Variants in AADACL3 observed in about 807,000 individuals in gnomAD.
AADACL3 encodes the protein arylacetamide deacetylase like 3.
In AADACL3, 13 loss-of-function variants were observed where a neutral mutation model predicts 13.6. That is an observed-to-expected ratio of 0.95 (90% confidence interval 0.62 to 1.52). AADACL3 has a LOEUF of 1.52. Among genes scored for constraint, AADACL3 ranks in the 40% most tolerant of loss-of-function variants. The pLI is 0.00. For missense variants in AADACL3, 519 were observed against 499.2 expected (o/e 1.04, Z -0.38); for synonymous variants, 195 against 197.0 (o/e 0.99, Z 0.08).
In AADACL3 at chr1:12,720,893, T is replaced by G; in HGVS notation, c.396T>G (p.His132Gln). 6.2e-7 allele frequency: 1 copy of G among 1,608,372 alleles called. No homozygotes were observed. Among genetic ancestry groups the G allele is most frequent in the Non-Finnish European group, 8.5e-7 (1 of 1,176,234 alleles). Residue 132 changes from histidine (H) to glutamine (Q), a missense_variant, in exon 3 of 4, where the codon CAT becomes CAG. By Grantham distance (24) the His-to-Gln change is conservative. Transcript: ENST00000359318. ...GGVMGSLKTH[H>Q]GICSRLCKES... ...CCATTTATTTTCTAGAAACCCACCA[T>G]GGCATATGCTCTCGTTTGTGCAAGG... is the stretch of plus-strand genomic sequence containing the variant.
chr1:12,719,561 C>G lies in AADACL3; in HGVS notation c.255C>G (p.Pro85=). The part of the protein sequence containing the change: ...MQDLPPLKYD[P]DVVVTDFRFG... ...ATCTGCCTCCGCTAAAGTATGACCCCGATGTTGTGGTCACGGATTTCCGCT... is the reference window on the plus strand; with the variant it reads ...ATCTGCCTCCGCTAAAGTATGACCCGGATGTTGTGGTCACGGATTTCCGCT... Residue 85 remains proline, a synonymous_variant, in exon 2 of 4, where the codon CCC becomes CCG. Coordinates refer to ENST00000359318, the MANE Select transcript of AADACL3 (RefSeq NM_001103170.3). The G allele has an allele frequency of 6.2e-7, 1 of 1,614,042 alleles. No individual in the cohort carries two copies. The highest frequency in any genetic ancestry group is 1.1e-5 in the South Asian group (1 of 91,078).
chr1:12,716,473 C>G (rs558679251), intron 1 of AADACL3, 129 bp downstream of exon 1: 1 of 1,325,784 alleles, frequency 7.5e-7, no homozygotes, highest in Non-Finnish European at 1.1e-6. Context: ...GCTGATCAGA[C>G]CTTCTGAAAT....
In AADACL3 at chr1:12,725,362, C is replaced by A; in HGVS notation, c.590C>A (p.Ala197Glu). 1.2e-6 allele frequency: 2 copies of A among 1,614,076 alleles called. No homozygotes were observed. The highest frequency in any genetic ancestry group is 1.7e-6 in the Non-Finnish European group (2 of 1,180,012). The change falls in exon 4 of 4, where the codon GCA (alanine) becomes GAA (glutamate). Residue 197 changes from alanine to glutamate, a missense_variant. Ala to Glu is a moderately radical substitution (Grantham distance 107). Coordinates refer to ENST00000359318, the MANE Select transcript of AADACL3 (RefSeq NM_001103170.3). The part of the protein sequence containing the change: ...VVVCGDSFGG[A>E]IAAVVCQQLV... ...GTCTGCGGTGACAGTTTCGGAGGGGCAATAGCCGCAGTGGTTTGTCAACAA... is the reference window on the plus strand; with the variant it reads ...GTCTGCGGTGACAGTTTCGGAGGGGAAATAGCCGCAGTGGTTTGTCAACAA...
intron 1 of AADACL3, among the ~76,000 whole-genome samples, chr1:12,717,932 T>C (rs1006149006): frequency 6.6e-6 from 1 of 152,168 alleles, no homozygotes; most frequent in African/African-American, 2.4e-5. Flanking sequence ...TAACTTCCAA[T>C]TGAAATTCTT....
chr1:12,722,178 T>C (rs1390260523), intron 3 of AADACL3, among the ~76,000 whole-genome samples: 1 of 151,850 alleles, frequency 6.6e-6, no homozygotes, highest in East Asian at 1.9e-4. Context: ...AATACAAAAA[T>C]TAGCCAGGTG....
At chr1:12,720,634 C>G (rs1418405086) in intron 2 of AADACL3, among the ~76,000 whole-genome samples, 1 of 152,144 alleles carries the variant, frequency 6.6e-6, no homozygotes, top group African/African-American at 2.4e-5. Context: ...CCTCTGCGTT[C>G]TACAGTCAAA....
At chr1:12,722,251 C>G (rs1320065817) in intron 3 of AADACL3, among the ~76,000 whole-genome samples, 1 of 149,432 alleles carries the variant, frequency 6.7e-6, no homozygotes, top group African/African-American at 2.5e-5. Flanking sequence ...CACTTGAACC[C>G]AGAAGGCAGA....
chr1:12,725,862 G>A lies in AADACL3; in HGVS notation c.1090G>A (p.Gly364Arg). 6.2e-7 allele frequency: 1 copy of A among 1,614,180 alleles called. No homozygotes were observed. Among genetic ancestry groups the A allele is most frequent in the South Asian group, 1.1e-5 (1 of 91,076 alleles). The change falls in exon 4 of 4, where the codon GGA becomes AGA. Residue 364 changes from glycine (G) to arginine (R), a missense_variant. Transcript: ENST00000359318. ...GTACAAGAAAAGGCTGGAAGACCTG[G>A]GAGTGCCCGTGACCTGGCACCATAT... ...LLYKKRLEDL[G>R]VPVTWHHMED...
In AADACL3 at chr1:12,723,384, C is replaced by T. The variant is rs75206436; in HGVS notation, c.450-1838C>T. 9.2e-3 allele frequency among the ~76,000 whole-genome samples: 1,407 copies of T among 152,276 alleles called. 25 individuals carry two copies. The highest frequency in any genetic ancestry group is 0.032 in the African/African-American group (1,323 of 41,546). The stretch of plus-strand genomic sequence containing the variant: ...GTCAGGAGTACCTCTGACTGTCTCC[C>T]AGTTCAAAACCACTCACAAATGTGG... On this transcript the variant is annotated intron_variant, in intron 3 of 3. Transcript: ENST00000359318.
In AADACL3 at chr1:12,716,253, G is replaced by A. The variant is rs1648429781; in HGVS notation, c.77G>A (p.Ser26Asn). The A allele has an allele frequency of 3.2e-6, 5 of 1,562,254 alleles. No homozygotes were observed. Among genetic ancestry groups the A allele is most frequent in the Non-Finnish European group, 4.4e-6 (5 of 1,133,078 alleles). The change falls in exon 1 of 4, where the codon AGC becomes AAC. Residue 26 changes from serine (S) to asparagine (N), a missense_variant. By Grantham distance (46) the Ser-to-Asn change is conservative. Transcript: ENST00000359318. ...GGGGTCACTCTGTGGGTCATTTGCA[G>A]CCATTTTTTCACTGTGCACATCCCT... ...SLGVTLWVIC[S>N]HFFTVHIPAA...
chr1:12,726,971 G>A lies in AADACL3; in HGVS notation c.*975G>A, dbSNP rs890548239. On this transcript the variant is annotated 3_prime_UTR_variant, in exon 4 of 4. Coordinates refer to ENST00000359318, the MANE Select transcript of AADACL3 (RefSeq NM_001103170.3). ...CATACATCAGGCAAGGTTTGATCCA[G>A]GAACTCACACAGTGCCATCAGCTGT... 1 of 152,352 alleles carries A rather than the reference G, an allele frequency of 6.6e-6. No homozygotes were observed. The highest frequency in any genetic ancestry group is 6.5e-5 in the Admixed American group (1 of 15,280). The allele number at this position is 152,352 out of a possible 1,614,324, so 9.4% of individuals were successfully genotyped here.
intron 1 of AADACL3, among the ~76,000 whole-genome samples, chr1:12,716,937 G>A (rs1201370413): frequency 2.0e-5 from 3 of 152,200 alleles, no homozygotes; most frequent in Non-Finnish European, 2.9e-5. Context: ...TTAAAAATAT[G>A]TTGTTGCTTT....
chr1:12,725,158 G>A (rs1638338478), intron 3 of AADACL3, 64 bp from the exon 4 acceptor site: 2 of 1,497,784 alleles, frequency 1.3e-6, no homozygotes, highest in Non-Finnish European at 1.8e-6. Flanking sequence ...GCTAAAAGAT[G>A]CTAGACGCTG....
Position 12,716,147 on chromosome 1 carries a change from C to A in AADACL3, c.-30C>A. The A allele has an allele frequency of 1.4e-6, 1 of 694,430 alleles. No homozygotes were observed. The highest frequency in any genetic ancestry group is 2.6e-6 in the Non-Finnish European group (1 of 386,060). 43.0% of individuals were successfully genotyped at this position (694,430 alleles called of 1,614,324 possible). ...AAATGGTTTACACTGCGCACAGCTTCCTCTCAGCCCGCTCTGAGCTGGAAG... is the reference window on the plus strand; with the variant it reads ...AAATGGTTTACACTGCGCACAGCTTACTCTCAGCCCGCTCTGAGCTGGAAG... On this transcript the variant is annotated 5_prime_UTR_variant, in exon 1 of 4. Coordinates refer to ENST00000359318, the MANE Select transcript of AADACL3 (RefSeq NM_001103170.3).
In AADACL3 at chr1:12,725,998, C is replaced by A. The variant is rs1402706358; in HGVS notation, c.*2C>A. On this transcript the variant is annotated 3_prime_UTR_variant, in exon 4 of 4. Coordinates refer to ENST00000359318, the MANE Select transcript of AADACL3 (RefSeq NM_001103170.3). ...GTTCAATTTGTAAAGGGACTGTGAC[C>A]ATCTTTCTTCTCTGCTGGTACTGCG... 1 of 1,604,094 alleles carries A rather than the reference C, an allele frequency of 6.2e-7. No individual in the cohort carries two copies. The highest frequency in any genetic ancestry group is 8.5e-7 in the Non-Finnish European group (1 of 1,174,678).
intron 3 of AADACL3, among the ~76,000 whole-genome samples, chr1:12,722,727 C>A (rs1158859904): frequency 6.7e-6 from 1 of 150,314 alleles, no homozygotes; most frequent in Non-Finnish European, 1.5e-5. Context: ...AAATAGTGAA[C>A]TTTCTCACAA....
chr1:12,725,613 T>A lies in AADACL3; in HGVS notation c.841T>A (p.Tyr281Asn). 6.2e-7 allele frequency: 1 copy of A among 1,614,040 alleles called. No homozygotes were observed. The highest frequency in any genetic ancestry group is 2.2e-5 in the East Asian group (1 of 44,886). ...TTTGCCTGCTGAAGTCTGGGAAAAGTACAGAAAGTGGTTGGGCCCAGAAAA... is the reference window on the plus strand; with the variant it reads ...TTTGCCTGCTGAAGTCTGGGAAAAGAACAGAAAGTGGTTGGGCCCAGAAAA... Reference protein sequence around the residue: ...AHLPAEVWEKYRKWLGPENIP... With the variant: ...AHLPAEVWEKNRKWLGPENIP... The change falls in exon 4 of 4, where the codon TAC becomes AAC. Residue 281 changes from tyrosine (Y) to asparagine (N), a missense_variant. Physicochemically the swap from Tyr to Asn is moderately radical, Grantham distance 143. Transcript: ENST00000359318.
Position 12,719,558 on chromosome 1 carries a change from C to T in AADACL3, c.252C>T (p.Asp84=), listed in dbSNP as rs3010876. The change falls in exon 2 of 4, where the codon GAC becomes GAT. Residue 84 remains aspartate, a synonymous_variant. Coordinates refer to ENST00000359318, the MANE Select transcript of AADACL3 (RefSeq NM_001103170.3). ...AAGATCTGCCTCCGCTAAAGTATGA[C>T]CCCGATGTTGTGGTCACGGATTTCC... ...FMQDLPPLKY[D]PDVVVTDFRF... 269,497 of 1,613,928 alleles carry T rather than the reference C, an allele frequency of 0.17. 23,382 individuals carry two copies. The highest frequency in any genetic ancestry group is 0.2 in the East Asian group (8,960 of 44,868).
rs760713003 is a variant in AADACL3 at position 12,725,921 on chromosome 1, TG to T, written c.1150del (p.Asp384ThrfsTer2). 2.3e-5 allele frequency: 37 copies of T among 1,614,032 alleles called. 1 individual carries two copies. The South Asian group carries it at 4.0e-4, about 17-fold the overall frequency. On this transcript the variant is annotated frameshift_variant, in exon 4 of 4. Transcript: ENST00000359318. LOFTEE classifies it low-confidence loss of function (END_TRUNC). ...GTTTCCATGGAGTGCTCAGGACCATTGACATGAGCTTCTTGCACTTTCCCTG... is the reference window on the plus strand; with the variant it reads ...GTTTCCATGGAGTGCTCAGGACCATTACATGAGCTTCTTGCACTTTCCCTG... ...DGFHGVLRTI[D>X]MSFLHFPCSM...
Sources: gnomAD v4.1 joint callset for allele counts (sites outside exome capture counted in the v4.1 genomes callset) on GRCh38, gnomAD v4.1.1 for gene constraint, MANE v1.5 for transcripts, NCBI Gene and HGNC (gene_info 2026-07-23, HGNC 2026-07-21) for gene names.